The following IKZF4 variants were observed in gnomAD, a reference collection of about 807,000 sequenced individuals.
IKZF4 encodes zinc finger protein Eos.
In IKZF4, 11 loss-of-function variants were observed where a neutral mutation model predicts 47.7. The observed-to-expected ratio is 0.23, with a 90% confidence interval of 0.15 to 0.38. IKZF4 has a LOEUF of 0.38. IKZF4 is among the 10% of genes least tolerant of loss of function. The pLI, the probability that IKZF4 is intolerant of heterozygous loss-of-function variation, is 1.00. For synonymous variants in IKZF4, 298 were observed against 299.4 expected (o/e 1.00, Z 0.05); for missense variants, 557 against 784.9 (o/e 0.71, Z 3.47).
upstream of IKZF4, among the ~76,000 whole-genome samples, chr12:56,017,717 G>GTC (rs1395227931): frequency 6.6e-6 from 1 of 152,148 alleles, no homozygotes; most frequent in East Asian, 1.9e-4. Flanking sequence ...TGGAGACAGG[G>GTC]TCTCGCTCGG....
intron 2 of IKZF4, among the ~76,000 whole-genome samples, chr12:56,012,580 C>CT (rs60809792): frequency 0.021 from 2,982 of 144,028 alleles, 94 homozygotes; most frequent in African/African-American, 0.069. Context: ...GCCTAAATTA[C>CT]TTTTTTTTTT....
At chr12:56,030,035 G>T (rs1421063828) in intron 5 of IKZF4, among the ~76,000 whole-genome samples, 1 of 152,158 alleles carries the variant, frequency 6.6e-6, no homozygotes, top group Non-Finnish European at 1.5e-5. Context: ...TCTGTGAAGT[G>T]CTTTCTGTTG....
upstream of IKZF4, chr12:56,019,424 T>C: frequency 2.1e-6 from 2 of 959,222 alleles, no homozygotes; most frequent in Non-Finnish European, 2.5e-6. Context: ...AGGTAAGATG[T>C]TGACTCTGAC....
At chr12:56,021,808 G>A (rs1386035938) in intron 1 of IKZF4, 3 of 639,972 alleles carry the variant, frequency 4.7e-6, no homozygotes, top group African/African-American at 1.8e-5. Context: ...CAAAGACGGC[G>A]ACTTGGACAG....
At chr12:56,032,408 G>A (rs1175511655) in intron 5 of IKZF4, 153 bp from the exon 6 acceptor site, 1 of 718,874 alleles carries the variant, frequency 1.4e-6, no homozygotes, top group East Asian at 2.8e-5. Flanking sequence ...CGCGGTTGCA[G>A]TTGAAGTTGG....
chr12:56,027,731 T>G, intron 4 of IKZF4, 49 bp from the exon 5 acceptor site: 2 of 1,586,082 alleles, frequency 1.3e-6, no homozygotes, highest in Non-Finnish European at 1.7e-6. Context: ...GGTTCAACCT[T>G]CAAAGTTCCT....
At position 56,034,202 on chromosome 12, in the gene IKZF4, G is replaced by A. The variant is rs1020755590; in HGVS notation, c.998-369G>A. ...AGGCGTGAGCCACCGCGCCCGGCCCGGGCTATCTCAGTTTTTAAGAATAAC... is the reference window on the plus strand; with the variant it reads ...AGGCGTGAGCCACCGCGCCCGGCCCAGGCTATCTCAGTTTTTAAGAATAAC... On this transcript the variant is annotated intron_variant, in intron 7 of 7. Coordinates refer to ENST00000547167, the MANE Select transcript of IKZF4 (RefSeq NM_022465.4). Among the ~76,000 whole-genome samples, 7 of 152,184 alleles carry A rather than the reference G, an allele frequency of 4.6e-5. No homozygotes were observed. In the South Asian group the frequency reaches 1.2e-3, roughly 27 times the overall value.
Position 56,027,905 on chromosome 12 carries a change from C to T in IKZF4, c.673C>T (p.Arg225Cys). Residue 225 changes from arginine (R) to cysteine (C), a missense_variant, in exon 5 of 8, where the codon CGC (arginine) becomes TGC (cysteine). By Grantham distance (180) the Arg-to-Cys change is radical. Coordinates refer to ENST00000547167, the MANE Select transcript of IKZF4 (RefSeq NM_022465.4). Reference sequence around the variant, plus strand: ...ATGTCCCTTCTGCAACTATGCCTGCCGCCGGCGTGATGCACTCACTGGTCA... The same window carrying T: ...ATGTCCCTTCTGCAACTATGCCTGCTGCCGGCGTGATGCACTCACTGGTCA... ...FKCPFCNYAC[R>C]RRDALTGHLR... The T allele has an allele frequency of 1.3e-6, 2 of 1,590,234 alleles. No homozygotes were observed. The highest frequency in any genetic ancestry group is 1.7e-6 in the Non-Finnish European group (2 of 1,168,034).
At chr12:56,032,914 G>A (rs573973502) in intron 6 of IKZF4, among the ~76,000 whole-genome samples, 3 of 152,322 alleles carry the variant, frequency 2.0e-5, no homozygotes, top group African/African-American at 7.2e-5. Context: ...TAGGGAGATC[G>A]ACAGGTAGGG....
chr12:56,026,701 A>G, intron 3 of IKZF4, 80 bp from the exon 4 acceptor site: 1 of 1,341,732 alleles, frequency 7.5e-7, no homozygotes, highest in Non-Finnish European at 9.7e-7. Context: ...AAAAAAAAAA[A>G]AAAAAAAGAG....
At chr12:56,034,193 G>A (rs1057449272) in intron 7 of IKZF4, among the ~76,000 whole-genome samples, 3 of 152,142 alleles carry the variant, frequency 2.0e-5, no homozygotes, top group Admixed American at 6.5e-5. Flanking sequence ...GAGCCACCGC[G>A]CCCGGCCCGG....
rs772824277 is a variant in IKZF4 at position 56,034,881 on chromosome 12, C to T, written c.1308C>T (p.Tyr436=). The T allele has an allele frequency of 1.2e-6, 2 of 1,609,046 alleles. No individual in the cohort carries two copies. Among genetic ancestry groups the T allele is most frequent in the Admixed American group, 1.7e-5 (1 of 59,000 alleles). The part of the protein sequence containing the change: ...EDLADGGPLL[Y]RPRGPLTDPG... ...TGGCTGATGGAGGTCCCCTCCTCTA[C>T]CGGCCCCGAGGCCCCCTGACTGACC... is the stretch of plus-strand genomic sequence containing the variant. Residue 436 remains tyrosine, a synonymous_variant, in exon 8 of 8, where the codon TAC becomes TAT. Coordinates refer to ENST00000547167, the MANE Select transcript of IKZF4 (RefSeq NM_022465.4).
In IKZF4 at chr12:56,021,523, T is replaced by G. The variant is rs1480599477; in HGVS notation, c.30T>G (p.Arg10=). 1 of 1,608,114 alleles carries G rather than the reference T, an allele frequency of 6.2e-7. No homozygotes were observed. MHTPPALPR[R]FQGGGRVRTP... ...ATACACCACCCGCACTCCCTCGCCGTTTCCAAGGCGGCGGCCGCGTTCGCA... is the reference window on the plus strand; with the variant it reads ...ATACACCACCCGCACTCCCTCGCCGGTTCCAAGGCGGCGGCCGCGTTCGCA... The change falls in exon 1 of 8, where the codon CGT becomes CGG. Residue 10 remains arginine (R), a synonymous_variant. Transcript: ENST00000547167.
At chr12:56,023,912 A>G in intron 2 of IKZF4, 148 bp downstream of exon 2, 1 of 1,473,256 alleles carries the variant, frequency 6.8e-7, no homozygotes, top group Non-Finnish European at 9.0e-7. Context: ...ACATCCATGC[A>G]TGTTCATGTT....
intron 7 of IKZF4, among the ~76,000 whole-genome samples, chr12:56,033,662 G>C (rs140533474): frequency 2.0e-5 from 3 of 152,008 alleles, no homozygotes; most frequent in Non-Finnish European, 4.4e-5. Context: ...AGCGGAGATC[G>C]CGCCACTGCA....
At position 56,033,338 on chromosome 12, in the gene IKZF4, A is replaced by G; in HGVS notation, c.997+17A>G. On this transcript the variant is annotated intron_variant, in intron 7 of 7. Transcript: ENST00000547167. ...AGTTTGTAGGTAAGAATCCAGTTGG[A>G]AAGACGTATCAGCTTTAAGCCACAG... 1 of 1,613,742 alleles carries G rather than the reference A, an allele frequency of 6.2e-7. No homozygotes were observed. Among genetic ancestry groups the G allele is most frequent in the Non-Finnish European group, 8.5e-7 (1 of 1,179,718 alleles).
At chr12:56,008,861 A>T (rs1165620290) in intron 1 of IKZF4, among the ~76,000 whole-genome samples, 2 of 151,822 alleles carry the variant, frequency 1.3e-5, no homozygotes, top group Non-Finnish European at 2.9e-5. Flanking sequence ...TTTTTAGTAG[A>T]GATGGGGGTC....
At chr12:56,022,360 C>T (rs1893164303) in intron 1 of IKZF4, among the ~76,000 whole-genome samples, 1 of 152,172 alleles carries the variant, frequency 6.6e-6, no homozygotes, top group Non-Finnish European at 1.5e-5. Context: ...TGGCTTTGCC[C>T]TCTGGGGGTT....
At chr12:56,032,760 G>C (rs1338573785) in intron 6 of IKZF4, 50 bp downstream of exon 6, 5 of 1,601,810 alleles carry the variant, frequency 3.1e-6, no homozygotes, top group Non-Finnish European at 4.3e-6. Flanking sequence ...TGGTGAGAGG[G>C]AGTGCTAGAC....
Sources: allele counts gnomAD v4.1 joint callset (sites outside exome capture counted in the v4.1 genomes callset), GRCh38; gene constraint gnomAD v4.1.1; transcripts MANE v1.5; gene names NCBI Gene and HGNC (gene_info 2026-07-23, HGNC 2026-07-21).